The following LPP variants were observed in gnomAD, a reference collection of about 807,000 sequenced individuals.
The protein encoded by LPP is lipoma-preferred partner.
LPP carries 38 observed loss-of-function variants against 60.4 expected under a neutral mutation model. That is an observed-to-expected ratio of 0.63 (90% CI 0.49 to 0.83). The LOEUF (loss-of-function observed/expected upper bound fraction) is 0.83. Among genes scored for constraint, LPP ranks in the 40% least tolerant of loss-of-function variants. LPP has a pLI of 0.00. For synonymous variants in LPP, 328 were observed against 290.8 expected (o/e 1.13, Z -1.30); for missense variants, 902 against 783.6 (o/e 1.15, Z -1.80).
intron 5 of LPP, among the ~76,000 whole-genome samples, chr3:188,514,583 G>A (rs975267725): frequency 2.0e-5 from 3 of 151,696 alleles, no homozygotes; most frequent in Non-Finnish European, 4.4e-5. Flanking sequence ...CTGGGATTAC[G>A]GTTACCCACC....
At chr3:188,341,923 C>G (rs557579120) in intron 3 of LPP, among the ~76,000 whole-genome samples, 1 of 151,954 alleles carries the variant, frequency 6.6e-6, no homozygotes, top group Non-Finnish European at 1.5e-5. Context: ...TAATTCATAG[C>G]CCTTAAGGTT....
chr3:188,406,950 AT>A (rs1176524431), intron 4 of LPP, among the ~76,000 whole-genome samples: 1 of 152,144 alleles, frequency 6.6e-6, no homozygotes, highest in African/African-American at 2.4e-5. Flanking sequence ...TCTCATGTGT[AT>A]GTATACACTC....
chr3:188,707,135 G>T (rs1865636084), intron 7 of LPP, among the ~76,000 whole-genome samples: 1 of 151,494 alleles, frequency 6.6e-6, no homozygotes, highest in Non-Finnish European at 1.5e-5. Flanking sequence ...TATAATTCTG[G>T]CTCGCCCGCC....
At chr3:188,257,890 C>T (rs1000366006) in intron 2 of LPP, among the ~76,000 whole-genome samples, 4 of 152,312 alleles carry the variant, frequency 2.6e-5, no homozygotes, top group South Asian at 4.1e-4. Context: ...TGTTGGTTTG[C>T]CTAACTGCAA....
chr3:188,428,372 C>T (rs1467105282), intron 4 of LPP, among the ~76,000 whole-genome samples: 1 of 152,154 alleles, frequency 6.6e-6, no homozygotes, highest in African/African-American at 2.4e-5. Context: ...CATCTTCATC[C>T]TAAGTCCCAT....
rs1560183594 is a variant in LPP, at chr3:188,771,585, G to GAAAGGGAGAA, written c.1410+11304_1410+11305insAAGGGAGAAA. On this transcript the variant is annotated intron_variant, in intron 9 of 11. Coordinates refer to ENST00000617246, the MANE Select transcript of LPP (RefSeq NM_001375462.1). ...AAAAAAAGAAAGAAAGAAAGAAAGG[G>GAAAGGGAGAA]AGAAAGAAAGAAAGAAAGAGGCACT... 1.9e-4 allele frequency among the ~76,000 whole-genome samples: 14 copies of GAAAGGGAGAA among 73,034 alleles called. No homozygotes were observed. In the East Asian group the frequency reaches 5.7e-3, roughly 30 times the overall value. 47.9% of individuals were successfully genotyped at this position (73,034 alleles called of 152,430 possible).
intron 7 of LPP, among the ~76,000 whole-genome samples, chr3:188,665,540 A>T (rs1210327239): frequency 6.7e-6 from 1 of 149,038 alleles, no homozygotes; most frequent in East Asian, 2.0e-4. Flanking sequence ...GCTCACTGCA[A>T]CCTCCACCTT....
intron 6 of LPP, among the ~76,000 whole-genome samples, chr3:188,607,397 AT>A (rs1560628576): frequency 0.044 from 1,447 of 32,552 alleles, 69 homozygotes; most frequent in East Asian, 0.16. Context: ...ATATATATAT[AT>A]ATATATATAT....
chr3:188,339,882 G>A (rs1578193377), intron 2 of LPP, among the ~76,000 whole-genome samples: 1 of 152,214 alleles, frequency 6.6e-6, no homozygotes, highest in Non-Finnish European at 1.5e-5. Flanking sequence ...ATCTGAGAAA[G>A]TGTTTATGGT....
chr3:188,736,819 C>G (rs551149316), intron 8 of LPP, among the ~76,000 whole-genome samples: 1 of 151,890 alleles, frequency 6.6e-6, no homozygotes, highest in African/African-American at 2.4e-5. Flanking sequence ...TGAACAAAAT[C>G]TATTTATGAA....
intron 8 of LPP, among the ~76,000 whole-genome samples, chr3:188,745,655 T>C (rs9821679): frequency 0.2 from 30,075 of 152,156 alleles, 3,719 homozygotes; most frequent in Middle Eastern, 0.42. Context: ...AGTCAGTAAA[T>C]TTTTTACAAA....
At chr3:188,618,169 G>A (rs528604384) in intron 7 of LPP, among the ~76,000 whole-genome samples, 1 of 152,232 alleles carries the variant, frequency 6.6e-6, no homozygotes, top group East Asian at 1.9e-4. Flanking sequence ...TGTTACCTTA[G>A]TTCTTTGATT....
chr3:188,721,235 T>A (rs78214899), intron 8 of LPP, among the ~76,000 whole-genome samples: 7,762 of 152,178 alleles, frequency 0.051, 593 homozygotes, highest in African/African-American at 0.18. Context: ...GTAAAAGATA[T>A]TAAACTGAAT....
At chr3:188,263,368 TC>T (rs1196781834) in intron 2 of LPP, among the ~76,000 whole-genome samples, 1 of 152,202 alleles carries the variant, frequency 6.6e-6, no homozygotes, top group Non-Finnish European at 1.5e-5. Context: ...TTATTCATCT[TC>T]CCTAAATCCA....
chr3:188,669,348 G>A (rs553237295), intron 7 of LPP, among the ~76,000 whole-genome samples: 21 of 152,162 alleles, frequency 1.4e-4, no homozygotes, highest in South Asian at 6.2e-4. Flanking sequence ...AGGTCGAGGC[G>A]GGCGGATCAC....
chr3:188,693,869 T>C (rs772662918), intron 7 of LPP, among the ~76,000 whole-genome samples: 2 of 152,220 alleles, frequency 1.3e-5, no homozygotes, highest in African/African-American at 2.4e-5. Flanking sequence ...TGAATCTTTA[T>C]TGGTGCAAAG....
At chr3:188,465,079 A>G (rs1305927959) in intron 4 of LPP, among the ~76,000 whole-genome samples, 2 of 152,076 alleles carry the variant, frequency 1.3e-5, no homozygotes, top group Non-Finnish European at 2.9e-5. Context: ...TTAGGATAAT[A>G]GGATGACATG....
intron 3 of LPP, among the ~76,000 whole-genome samples, chr3:188,347,767 G>A (rs1229045838): frequency 6.6e-6 from 1 of 152,148 alleles, no homozygotes; most frequent in African/African-American, 2.4e-5. Context: ...GTGAGTGTGT[G>A]GGGGGGCCAG....
chr3:188,785,996 T>C (rs752577841), intron 9 of LPP, among the ~76,000 whole-genome samples: 4 of 152,170 alleles, frequency 2.6e-5, no homozygotes, highest in African/African-American at 7.2e-5. Context: ...ATGGTTTTGT[T>C]ACTATTTTTT....
Sources: allele counts gnomAD v4.1 joint callset (sites outside exome capture counted in the v4.1 genomes callset), GRCh38; gene constraint gnomAD v4.1.1; transcripts MANE v1.5; gene names NCBI Gene and HGNC (gene_info 2026-07-23, HGNC 2026-07-21).